Variants in NDUFS2 observed in about 807,000 individuals in gnomAD.
The protein encoded by NDUFS2 is NADH:ubiquinone oxidoreductase core subunit S2, also known as NADH dehydrogenase [ubiquinone] iron-sulfur protein 2, mitochondrial.
Under a neutral mutation model 69.6 loss-of-function variants are expected in NDUFS2, and 38 were observed. The ratio of observed to expected loss-of-function variants is 0.55; its 90% CI spans 0.42 to 0.72. The LOEUF is 0.72. Ranked by LOEUF, NDUFS2 falls within the 30% of genes least tolerant of loss-of-function variation. The probability of loss-of-function intolerance (pLI) is 0.00; values close to 1 mark genes in which losing one functional copy is unlikely to be tolerated. For synonymous variants in NDUFS2, 194 were observed against 211.2 expected, an observed-to-expected ratio of 0.92 and a Z score of 0.70; for missense variants, 468 against 595.0, an observed-to-expected ratio of 0.79 and a Z score of 2.22.
intron 3 of NDUFS2, among the ~76,000 whole-genome samples, chr1:161,207,278 T>C (rs1298454663): frequency 2.6e-5 from 4 of 152,230 alleles, no homozygotes; most frequent in African/African-American, 9.6e-5. Flanking sequence ...TCCTGGAGTC[T>C]ATGGGTTAAC....
At chr1:161,213,813 C>T (rs923701306) in intron 12 of NDUFS2, 51 bp from the exon 13 acceptor site, 31 of 1,611,958 alleles carry the variant, frequency 1.9e-5, no homozygotes, top group Non-Finnish European at 2.5e-5. Context: ...CTTCTTTCTC[C>T]TCCCACCTTG....
intron 1 of NDUFS2, among the ~76,000 whole-genome samples, chr1:161,202,874 G>A (rs1365160125): frequency 6.6e-6 from 1 of 152,152 alleles, no homozygotes; most frequent in Non-Finnish European, 1.5e-5. Context: ...GAAGAAGCTA[G>A]GATCCCAACC....
intron 9 of NDUFS2, among the ~76,000 whole-genome samples, chr1:161,211,036 A>C (rs1665743310): frequency 6.6e-6 from 1 of 152,090 alleles, no homozygotes; most frequent in South Asian, 2.1e-4. Context: ...CACCACGCTC[A>C]GCTAATTTAT....
chr1:161,202,191 T>C (rs1665165216), upstream of NDUFS2: 2 of 638,500 alleles, frequency 3.1e-6, no homozygotes, highest in African/African-American at 3.6e-5. Context: ...TCAGTAAAGA[T>C]GACCGCGGTC....
rs115682162 is a variant in NDUFS2, at chr1:161,210,271, G to A, written c.781-33G>A. On this transcript the variant is annotated intron_variant, in intron 7 of 13. Coordinates refer to ENST00000676972, the MANE Select transcript of NDUFS2 (RefSeq NM_001377299.1). ...AGAGATATTTGAAGAGTGTGAGGAAGAGTATTAACACACCAGTTTTCTTGA... is the reference window on the plus strand; with the variant it reads ...AGAGATATTTGAAGAGTGTGAGGAAAAGTATTAACACACCAGTTTTCTTGA... The A allele has an allele frequency of 2.8e-3, 4,454 of 1,610,066 alleles. 94 individuals are homozygous for A. In the African/African-American group the frequency reaches 0.048, roughly 17 times the overall value.
At chr1:161,202,728 C>T (rs1665213091) in intron 1 of NDUFS2, among the ~76,000 whole-genome samples, 1 of 152,174 alleles carries the variant, frequency 6.6e-6, no homozygotes, top group Non-Finnish European at 1.5e-5. Flanking sequence ...AATTTGAATG[C>T]ACCTCTCCTG....
chr1:161,209,796 G>C (rs1354340993), intron 5 of NDUFS2, 61 bp from the exon 6 acceptor site: 2 of 1,558,504 alleles, frequency 1.3e-6, no homozygotes, highest in African/African-American at 2.7e-5. Context: ...TGGGGGAGTA[G>C]GCCATCATAG....
chr1:161,204,879 C>T (rs1455563632), intron 2 of NDUFS2, among the ~76,000 whole-genome samples: 5 of 152,084 alleles, frequency 3.3e-5, no homozygotes, highest in South Asian at 2.1e-4. Context: ...GGTGAAACCC[C>T]GCCTCTACTA....
At chr1:161,205,880 C>G (rs1039352124) in intron 2 of NDUFS2, among the ~76,000 whole-genome samples, 2 of 151,946 alleles carry the variant, frequency 1.3e-5, no homozygotes, top group African/African-American at 4.8e-5. Flanking sequence ...ATTTGGAGGA[C>G]AGTATATCAT....
chr1:161,203,647 G>T (rs1055645142), intron 2 of NDUFS2, 104 bp downstream of exon 2: 4 of 979,148 alleles, frequency 4.1e-6, no homozygotes, highest in Admixed American at 2.0e-5. Flanking sequence ...CCTGGCTGGA[G>T]TGCAGTGGTG....
At chr1:161,199,965 A>C (rs1571594156), upstream of NDUFS2, among the ~76,000 whole-genome samples, 1 of 126,584 alleles carries the variant, frequency 7.9e-6, no homozygotes, top group Non-Finnish European at 1.7e-5. Flanking sequence ...GCTCCTACCC[A>C]CTCCCAACTG....
intron 6 of NDUFS2, 55 bp from the exon 7 acceptor site, chr1:161,210,056 G>A: frequency 6.3e-7 from 1 of 1,594,058 alleles, no homozygotes; most frequent in South Asian, 1.1e-5. Context: ...TGCTGAGAGG[G>A]CTCTCCTTAG....
At chr1:161,198,538 C>G, upstream of NDUFS2, 1 of 1,566,240 alleles carries the variant, frequency 6.4e-7, no homozygotes, top group East Asian at 2.4e-5. The surrounding 1 kb of genome is among the most constrained non-coding windows in gnomAD (Gnocchi z 4.7). Flanking sequence ...GCCAGGAGAG[C>G]GGCACAATGG....
At chr1:161,198,648 G>A, upstream of NDUFS2, 2 of 1,481,564 alleles carry the variant, frequency 1.3e-6, no homozygotes, top group Admixed American at 2.4e-5. This position sits in a 1 kb window ranked among gnomAD's most constrained non-coding sequence, Gnocchi z 4.7. Flanking sequence ...CTGCAGCTGG[G>A]AGGGACTGAG....
At chr1:161,203,584 T>C in intron 2 of NDUFS2, 41 bp downstream of exon 2, 1 of 1,475,766 alleles carries the variant, frequency 6.8e-7, no homozygotes, top group South Asian at 1.2e-5. Flanking sequence ...CACCCATCCC[T>C]GCCCCCAGCT....
Position 161,210,960 on chromosome 1 carries a change from C to T in NDUFS2, c.986+250C>T, listed in dbSNP as rs891283885. On this transcript the variant is annotated intron_variant, in intron 9 of 13. Coordinates refer to ENST00000676972, the MANE Select transcript of NDUFS2 (RefSeq NM_001377299.1). ...TGCAATCTCGGCTCACTGCAACCTC[C>T]GCCTCCTGGGTTCAAGTGATTCTCC... Among the ~76,000 whole-genome samples the T allele has an allele frequency of 4.6e-5, 7 of 152,130 alleles. No homozygotes were observed. In the South Asian group the frequency reaches 6.2e-4, roughly 14 times the overall value.
At chr1:161,206,836 A>C (rs1321651696) in intron 3 of NDUFS2, among the ~76,000 whole-genome samples, 4 of 152,152 alleles carry the variant, frequency 2.6e-5, no homozygotes, top group Admixed American at 6.5e-5. Context: ...TCTCTGGCTG[A>C]CTTTTTGGCA....
rs536509590 is a variant in NDUFS2, at chr1:161,211,923, G to A, written c.987-428G>A. Among the ~76,000 whole-genome samples the A allele has an allele frequency of 1.4e-4, 21 of 152,184 alleles. No homozygotes were observed. In the East Asian group the frequency reaches 2.9e-3, roughly 21 times the overall value. On this transcript the variant is annotated intron_variant, in intron 9 of 13. Transcript: ENST00000676972. ...GAAGCACCCAAGAGTAGAAGCAAACGATTACAGGGGGCTGGGGTTGGTGGC... is the reference window on the plus strand; with the variant it reads ...GAAGCACCCAAGAGTAGAAGCAAACAATTACAGGGGGCTGGGGTTGGTGGC...
At chr1:161,210,283 A>T in intron 7 of NDUFS2, 21 bp from the exon 8 acceptor site, 1 of 1,611,742 alleles carries the variant, frequency 6.2e-7, no homozygotes, top group Non-Finnish European at 8.5e-7. Flanking sequence ...GTATTAACAC[A>T]CCAGTTTTCT....
Sources: gnomAD v4.1 joint callset for allele counts (sites outside exome capture counted in the v4.1 genomes callset) on GRCh38, gnomAD v4.1.1 for gene constraint, Gnocchi (gnomAD v3.1) non-coding constraint, MANE v1.5 for transcripts, NCBI Gene and HGNC (gene_info 2026-07-23, HGNC 2026-07-21) for gene names.